The following CSRNP2 variants were observed in gnomAD, a reference collection of about 807,000 sequenced individuals.
CSRNP2 encodes cysteine/serine-rich nuclear protein 2.
In CSRNP2, 11 loss-of-function variants were observed where a neutral mutation model predicts 36.6. That is an observed-to-expected ratio of 0.30 (90% CI 0.19 to 0.50). CSRNP2 has a LOEUF of 0.50. Among genes scored for constraint, CSRNP2 ranks in the 20% least tolerant of loss-of-function variants. The pLI is 0.98. For missense variants in CSRNP2, 483 were observed against 691.4 expected (o/e 0.70, Z 3.38); for synonymous variants, 248 against 275.3 (o/e 0.90, Z 0.98).
At position 51,076,428 on chromosome 12, in the gene CSRNP2, G is replaced by A. The variant is rs1292225135; in HGVS notation, c.134C>T (p.Thr45Ile). Residue 45 changes from threonine to isoleucine, a missense_variant, in exon 2 of 5, where the codon ACC becomes ATC. Coordinates refer to ENST00000228515, the MANE Select transcript of CSRNP2 (RefSeq NM_030809.3). ...TTACTCACGTGTGAAGCTGGCAGTG[G>A]TAGGAGGATTGAGGCTGTCGCAGCT... ...ADSCDSLNPP[T>I]TASFTPTSIL... 2.5e-6 allele frequency: 4 copies of A among 1,614,086 alleles called. No individual in the cohort carries two copies. The highest frequency in any genetic ancestry group is 2.5e-6 in the Non-Finnish European group (3 of 1,180,026).
In CSRNP2 at chr12:51,064,504, C is replaced by T. The variant is rs1417155668; in HGVS notation, c.874G>A (p.Glu292Lys). Residue 292 changes from glutamate (E) to lysine (K), a missense_variant, in exon 5 of 5, where the codon GAG (glutamate) becomes AAG (lysine). Glu to Lys is a moderately conservative substitution (Grantham distance 56). This residue lies in a region of CSRNP2 where 277 missense variants were observed against 323.6 expected (regional missense o/e 0.86). Coordinates refer to ENST00000228515, the MANE Select transcript of CSRNP2 (RefSeq NM_030809.3). ...RQVSRPAAPDEEPSPTASCSL... is the reference protein window; with the variant it reads ...RQVSRPAAPDKEPSPTASCSL... ...CAACTGGCAGTCGGGGAGGGCTCCT[C>T]ATCTGGGGCTGCTGGGCGGCTCACC... The T allele has an allele frequency of 6.2e-7, 1 of 1,611,978 alleles. No individual in the cohort carries two copies. The highest frequency in any genetic ancestry group is 1.3e-5 in the African/African-American group (1 of 74,900).
At chr12:51,072,562 C>CAAAAAAAAAAAAAAAAAAA (rs71089741) in intron 3 of CSRNP2, among the ~76,000 whole-genome samples, 1 of 66,932 alleles carries the variant, frequency 1.5e-5, no homozygotes, top group Non-Finnish European at 2.6e-5. Flanking sequence ...GGCTCCGTCT[C>CAAAAAAAAAAAAAAAAAAA]AAAAAAAAAA....
At chr12:51,074,689 T>C (rs935732321) in intron 2 of CSRNP2, among the ~76,000 whole-genome samples, 2 of 152,200 alleles carry the variant, frequency 1.3e-5, no homozygotes, top group Admixed American at 6.5e-5. Context: ...TTTCTGGATA[T>C]AAGAATCTAC....
intron 1 of CSRNP2, among the ~76,000 whole-genome samples, chr12:51,078,229 G>A (rs1939471718): frequency 6.6e-6 from 1 of 152,154 alleles, no homozygotes; most frequent in African/African-American, 2.4e-5. Context: ...CCTGCTCTTG[G>A]ATCAGCTCTA....
intron 1 of CSRNP2, among the ~76,000 whole-genome samples, chr12:51,080,271 T>C (rs1215537485): frequency 1.3e-5 from 2 of 152,092 alleles, no homozygotes; most frequent in Admixed American, 6.5e-5. Flanking sequence ...AGGCTTCTGG[T>C]AGTATCTCCG....
At chr12:51,073,469 C>T (rs1267126937) in intron 3 of CSRNP2, among the ~76,000 whole-genome samples, 1 of 151,644 alleles carries the variant, frequency 6.6e-6, no homozygotes, top group Non-Finnish European at 1.5e-5. Context: ...CAGTGGCTCA[C>T]ACCTGTAGTC....
intron 1 of CSRNP2, among the ~76,000 whole-genome samples, chr12:51,082,063 G>C (rs1041129883): frequency 6.6e-6 from 1 of 152,192 alleles, no homozygotes; most frequent in Non-Finnish European, 1.5e-5. Flanking sequence ...AGATGGTCAG[G>C]GCTACCATCT....
rs765292751 is a variant in CSRNP2, at chr12:51,073,836, G to A, written c.398C>T (p.Ala133Val). The change falls in exon 3 of 5, where the codon GCC becomes GTC. Residue 133 changes from alanine to valine, a missense_variant. Around this residue, in one of 2 missense-constraint regions of CSRNP2, gnomAD observed 206 missense variants for 367.8 expected, o/e 0.56. Transcript: ENST00000228515. Reference protein sequence around the residue: ...REHLKEEKLHAKKMKLTKNGT... With the variant: ...REHLKEEKLHVKKMKLTKNGT... ...ACACTTAGGCACCTTCATTTTCTTG[G>A]CATGGAGTTTCTCTTCCTTCAGGTG... 6.2e-7 allele frequency: 1 copy of A among 1,613,656 alleles called. No homozygotes were observed. The highest frequency in any genetic ancestry group is 8.5e-7 in the Non-Finnish European group (1 of 1,179,900).
In CSRNP2 at chr12:51,067,956, C is replaced by T; in HGVS notation, c.425G>A (p.Gly142Glu). Reference sequence around the variant, plus strand: ...ATCAGCCTCCACCGACTCCACTGTCCCATTCTTGGTCAGCTGCCAAGAGAC... The same window carrying T: ...ATCAGCCTCCACCGACTCCACTGTCTCATTCTTGGTCAGCTGCCAAGAGAC... Reference protein sequence around the residue: ...HAKKMKLTKNGTVESVEADGL... With the variant: ...HAKKMKLTKNETVESVEADGL... Residue 142 changes from glycine (G) to glutamate (E), a missense_variant, in exon 4 of 5, where the codon GGG becomes GAG. Around this residue, in one of 2 missense-constraint regions of CSRNP2, gnomAD observed 206 missense variants for 367.8 expected, o/e 0.56. Transcript: ENST00000228515. The surrounding 1 kb of genome is among the most constrained non-coding windows in gnomAD (Gnocchi z 4.1). The T allele has an allele frequency of 6.2e-7, 1 of 1,613,460 alleles. No homozygotes were observed. Among genetic ancestry groups the T allele is most frequent in the Non-Finnish European group, 8.5e-7 (1 of 1,179,456 alleles).
At chr12:51,077,976 G>A (rs1035212293) in intron 1 of CSRNP2, among the ~76,000 whole-genome samples, 3 of 152,198 alleles carry the variant, frequency 2.0e-5, no homozygotes, top group Non-Finnish European at 4.4e-5. Flanking sequence ...AATCTGCTCA[G>A]CAGAAATGCT....
intron 4 of CSRNP2, among the ~76,000 whole-genome samples, chr12:51,066,891 A>G (rs190891849): frequency 1.1e-4 from 16 of 152,240 alleles, no homozygotes; most frequent in African/African-American, 3.6e-4. Flanking sequence ...CAGTGGCACA[A>G]TCATAGCTTA....
At position 51,062,276 on chromosome 12, in the gene CSRNP2, C is replaced by T. The variant is rs1217844117; in HGVS notation, c.*1470G>A. The T allele has an allele frequency of 6.6e-6, 1 of 152,144 alleles. No individual in the cohort carries two copies. Among genetic ancestry groups the T allele is most frequent in the Non-Finnish European group, 1.5e-5 (1 of 68,026 alleles). The allele number at this position is 152,144 out of a possible 1,614,324, so 9.4% of individuals were successfully genotyped here. ...GTGTCTCCCCCCCAACACAGTTTTT[C>T]ACTTTTGTGTGTGTGTGTGGTTAAT... On this transcript the variant is annotated 3_prime_UTR_variant, in exon 5 of 5. Transcript: ENST00000228515.
In CSRNP2 at chr12:51,072,420, G is replaced by A. The variant is rs150895403; in HGVS notation, c.411+1403C>T. 8.6e-5 allele frequency among the ~76,000 whole-genome samples: 13 copies of A among 151,902 alleles called. No homozygotes were observed. The South Asian group carries it at 1.3e-3, about 15-fold the overall frequency. On this transcript the variant is annotated intron_variant, in intron 3 of 4. Coordinates refer to ENST00000228515, the MANE Select transcript of CSRNP2 (RefSeq NM_030809.3). ...TAAAAATACAAAAAAAAAAATAGCC[G>A]GGTGTGGTGTTGGGCACCTGTAGTC...
chr12:51,078,058 C>T lies in CSRNP2; in HGVS notation c.-86-1411G>A, dbSNP rs1447184340. ...TCAGTAATGCCAGAATCTCCCCAGACTATGATCTCACTAGTTGCTAATTAT... is the reference window on the plus strand; with the variant it reads ...TCAGTAATGCCAGAATCTCCCCAGATTATGATCTCACTAGTTGCTAATTAT... On this transcript the variant is annotated intron_variant, in intron 1 of 4. Transcript: ENST00000228515. 3.3e-5 allele frequency among the ~76,000 whole-genome samples: 5 copies of T among 152,336 alleles called. No homozygotes were observed. In the East Asian group the frequency reaches 7.7e-4, roughly 23 times the overall value.
chr12:51,074,199 C>T lies in CSRNP2; in HGVS notation c.152-117G>A, dbSNP rs538865093. On this transcript the variant is annotated intron_variant, in intron 2 of 4. Coordinates refer to ENST00000228515, the MANE Select transcript of CSRNP2 (RefSeq NM_030809.3). ...GTGGCACTGTCTCGGCTCACTGCAGCCTCCACCTCCCGGGTTCAAGCAATT... is the reference window on the plus strand; with the variant it reads ...GTGGCACTGTCTCGGCTCACTGCAGTCTCCACCTCCCGGGTTCAAGCAATT... 42 of 1,171,178 alleles carry T rather than the reference C, an allele frequency of 3.6e-5. No individual in the cohort carries two copies. The South Asian group carries it at 6.3e-4, about 18-fold the overall frequency. The allele number at this position is 1,171,178 out of a possible 1,614,324, so 72.5% of individuals were successfully genotyped here. A position where few individuals can be genotyped will look rare whatever the true frequency, so the allele number is the denominator to read the frequency against.
chr12:51,066,831 TCTG>T (rs1035827542), intron 4 of CSRNP2, among the ~76,000 whole-genome samples: 8 of 152,260 alleles, frequency 5.3e-5, no homozygotes, highest in African/African-American at 1.7e-4. Context: ...ACACCATTCC[TCTG>T]CTAACTTTTT....
chr12:51,065,493 A>G (rs1359752584), intron 4 of CSRNP2, among the ~76,000 whole-genome samples: 4 of 152,136 alleles, frequency 2.6e-5, no homozygotes, highest in African/African-American at 9.7e-5. Flanking sequence ...CACTCCAGTT[A>G]TACCATTTTT....
intron 2 of CSRNP2, among the ~76,000 whole-genome samples, chr12:51,074,541 A>G (rs1040269075): frequency 3.9e-5 from 6 of 152,110 alleles, no homozygotes; most frequent in African/African-American, 1.2e-4. Context: ...TAATATCTTC[A>G]AATCCTAAAT....
intron 2 of CSRNP2, 80 bp downstream of exon 2, chr12:51,076,331 C>T: frequency 6.7e-7 from 1 of 1,501,712 alleles, no homozygotes; most frequent in South Asian, 1.2e-5. Flanking sequence ...CCCCAAGCCA[C>T]ACAGACGCTG....
Sources: allele counts gnomAD v4.1 joint callset (sites outside exome capture counted in the v4.1 genomes callset), GRCh38; gene constraint gnomAD v4.1.1; regional missense constraint gnomAD v4.1.1; non-coding constraint Gnocchi (gnomAD v3.1); transcripts MANE v1.5; gene names NCBI Gene and HGNC (gene_info 2026-07-23, HGNC 2026-07-21).